The following SYCP2 variants were observed in gnomAD, a reference collection of about 807,000 sequenced individuals.
SYCP2 encodes synaptonemal complex protein 2.
In SYCP2, 55 loss-of-function variants were observed where a neutral mutation model predicts 211.3. That is an observed-to-expected ratio of 0.26 (90% CI 0.21 to 0.33). SYCP2 has a LOEUF of 0.33. Ranked by LOEUF, SYCP2 falls within the 10% of genes least tolerant of loss-of-function variation. The probability of loss-of-function intolerance (pLI) is 1.00; values close to 1 mark genes in which losing one functional copy is unlikely to be tolerated. For missense variants in SYCP2, 1,731 were observed against 1,752.0 expected (o/e 0.99, Z 0.21); for synonymous variants, 570 against 555.2 (o/e 1.03, Z -0.37).
In SYCP2 at chr20:59,912,202, G is replaced by C. The variant is rs1191904287; in HGVS notation, c.876+171C>G. ...AGTTATTCTTGGCAATGAATATGCT[G>C]TTCCATAAAACTTCTCCTGGTTTCA... On this transcript the variant is annotated intron_variant, in intron 13 of 44. Coordinates refer to ENST00000357552, the MANE Select transcript of SYCP2 (RefSeq NM_014258.4). The C allele has an allele frequency of 6.5e-6, 3 of 464,098 alleles. No individual in the cohort carries two copies. The East Asian group carries it at 1.3e-4, about 20-fold the overall frequency. 28.7% of individuals were successfully genotyped at this position (464,098 alleles called of 1,614,324 possible). A position where few individuals can be genotyped will look rare whatever the true frequency, so the allele number is the denominator to read the frequency against.
Position 59,920,480 on chromosome 20 carries a change from T to G in SYCP2, c.176A>C (p.Asn59Thr). 4 of 1,598,254 alleles carry G rather than the reference T, an allele frequency of 2.5e-6. No homozygotes were observed. The highest frequency in any genetic ancestry group is 3.4e-6 in the Non-Finnish European group (4 of 1,169,396). ...TGAAACATTGTGGATATCCTCTTTA[T>G]TAAGTTCCTGAAATAAAAGGTATAC... ...KVDNLICREL[N>T]KEDIHNVSAI... The change falls in exon 5 of 45, where the codon AAT becomes ACT. Residue 59 changes from asparagine to threonine, a missense_variant. Physicochemically the swap from Asn to Thr is moderately conservative, Grantham distance 65. Around this residue, in one of 3 missense-constraint regions of SYCP2, gnomAD observed 335 missense variants for 378.8 expected, o/e 0.88. Coordinates refer to ENST00000357552, the MANE Select transcript of SYCP2 (RefSeq NM_014258.4).
At position 59,868,846 on chromosome 20, in the gene SYCP2, G is replaced by C. The variant is rs2145599687; in HGVS notation, c.3821C>G (p.Thr1274Ser). 2 of 1,608,004 alleles carry C rather than the reference G, an allele frequency of 1.2e-6. No individual in the cohort carries two copies. Among genetic ancestry groups the C allele is most frequent in the Non-Finnish European group, 1.7e-6 (2 of 1,176,796 alleles). The change falls in exon 37 of 45, where the codon ACT (threonine) becomes AGT (serine). Residue 1274 changes from threonine (T) to serine (S), a missense_variant. Transcript: ENST00000357552. Reference sequence around the variant, plus strand: ...CTATGACTACAAACCTGATACATGAGTAGCATCACAGGGCATGTCAAACCA... The same window carrying C: ...CTATGACTACAAACCTGATACATGACTAGCATCACAGGGCATGTCAAACCA... ...KTWFDMPCDA[T>S]HVSGPTQHLS...
At position 59,884,122 on chromosome 20, in the gene SYCP2, A is replaced by G. The variant is rs1428210292; in HGVS notation, c.2529+1806T>C. 3.9e-5 allele frequency among the ~76,000 whole-genome samples: 6 copies of G among 152,136 alleles called. No homozygotes were observed. In the East Asian group the frequency reaches 1.2e-3, roughly 29 times the overall value. ...TGACATTGTTGTACGTAAATAAATG[A>G]CCTCCTTACTGGAATTCTATAAGCT... is the stretch of plus-strand genomic sequence containing the variant. On this transcript the variant is annotated intron_variant, in intron 26 of 44. Transcript: ENST00000357552.
intron 2 of SYCP2, among the ~76,000 whole-genome samples, chr20:59,931,011 C>T (rs1052807015): frequency 1.3e-5 from 2 of 152,098 alleles, no homozygotes; most frequent in African/African-American, 4.8e-5. Flanking sequence ...TATATAGTAA[C>T]TTATGAATTA....
chr20:59,882,058 TATG>T, intron 27 of SYCP2, 34 bp downstream of exon 27: 1 of 1,607,848 alleles, frequency 6.2e-7, no homozygotes, highest in Non-Finnish European at 8.5e-7. Context: ...TCTCTTCAAA[TATG>T]AAGAAAATGA....
At chr20:59,916,849 G>T (rs2060452548) in intron 7 of SYCP2, among the ~76,000 whole-genome samples, 1 of 152,072 alleles carries the variant, frequency 6.6e-6, no homozygotes, top group Non-Finnish European at 1.5e-5. Context: ...AGCCCAGGAG[G>T]TCAAAGCTGC....
intron 33 of SYCP2, among the ~76,000 whole-genome samples, chr20:59,877,090 A>G (rs1025982026): frequency 1.3e-5 from 2 of 152,136 alleles, no homozygotes; most frequent in South Asian, 4.1e-4. Context: ...TCTCCATGCT[A>G]TACTTTATTA....
At chr20:59,890,760 G>C (rs1555877476) in intron 24 of SYCP2, among the ~76,000 whole-genome samples, 1 of 145,844 alleles carries the variant, frequency 6.9e-6, no homozygotes, top group Non-Finnish European at 1.5e-5. Context: ...TGTGCTCCCA[G>C]AAAAAAAAAA....
chr20:59,880,527 A>C (rs2059656452), intron 30 of SYCP2, 56 bp from the exon 31 acceptor site: 1 of 1,074,656 alleles, frequency 9.3e-7, no homozygotes, highest in African/African-American at 1.6e-5. Flanking sequence ...TATGTCATGC[A>C]AGGTAAGTTA....
chr20:59,920,049 T>G (rs2060512485), intron 5 of SYCP2, among the ~76,000 whole-genome samples: 1 of 151,600 alleles, frequency 6.6e-6, no homozygotes, highest in Non-Finnish European at 1.5e-5. Flanking sequence ...ATACCCTACA[T>G]GCTAGCATGG....
intron 15 of SYCP2, among the ~76,000 whole-genome samples, chr20:59,902,104 G>C (rs2060126178): frequency 6.6e-6 from 1 of 151,826 alleles, no homozygotes; most frequent in Non-Finnish European, 1.5e-5. Flanking sequence ...AATATTCCTT[G>C]AACACATCTG....
At chr20:59,933,014 T>C (rs1178661403) in intron 1 of SYCP2, among the ~76,000 whole-genome samples, 2 of 151,650 alleles carry the variant, frequency 1.3e-5, no homozygotes, top group Admixed American at 1.3e-4. Flanking sequence ...TTTCCCAGGG[T>C]CACCCCCGAA....
Position 59,873,870 on chromosome 20 carries a change from G to C in SYCP2, c.3541C>G (p.Arg1181Gly). 1 of 1,609,644 alleles carries C rather than the reference G, an allele frequency of 6.2e-7. No homozygotes were observed. Among genetic ancestry groups the C allele is most frequent in the Non-Finnish European group, 8.5e-7 (1 of 1,178,470 alleles). ...TACATTCTCACCAAAAACAGTGGTCGTGGAATTGGTGAACAACTTTCACTT... is the reference window on the plus strand; with the variant it reads ...TACATTCTCACCAAAAACAGTGGTCCTGGAATTGGTGAACAACTTTCACTT... ...CASESCSPIP[R>G]PLFLPRHTPT... Residue 1181 changes from arginine to glycine, a missense_variant, in exon 35 of 45, where the codon CGA becomes GGA. Physicochemically the swap from Arg to Gly is moderately radical, Grantham distance 125. Around this residue, in one of 3 missense-constraint regions of SYCP2, gnomAD observed 1,387 missense variants for 1,351.3 expected, o/e 1.03. Coordinates refer to ENST00000357552, the MANE Select transcript of SYCP2 (RefSeq NM_014258.4).
chr20:59,877,289 TAAG>T (rs2059580249), intron 33 of SYCP2, 93 bp downstream of exon 33: 2 of 880,098 alleles, frequency 2.3e-6, no homozygotes, highest in South Asian at 3.5e-5. Context: ...AGTTAACTCT[TAAG>T]AAGTAACAGG....
intron 2 of SYCP2, among the ~76,000 whole-genome samples, chr20:59,927,773 T>A (rs893601893): frequency 3.9e-5 from 6 of 152,168 alleles, no homozygotes; most frequent in African/African-American, 1.4e-4. Context: ...AATATTTGAT[T>A]GGTAAATTTG....
intron 19 of SYCP2, among the ~76,000 whole-genome samples, chr20:59,896,072 GA>G (rs370778805): frequency 0.02 from 3,038 of 150,656 alleles, 42 homozygotes; most frequent in Middle Eastern, 0.041. Context: ...GCCACTTATA[GA>G]AAAAAAAACT....
At chr20:59,908,650 A>C (rs1302319472) in intron 14 of SYCP2, among the ~76,000 whole-genome samples, 1 of 152,194 alleles carries the variant, frequency 6.6e-6, no homozygotes, top group African/African-American at 2.4e-5. Context: ...ACATAATGGC[A>C]ATTTTCAAAC....
At chr20:59,865,484 A>G (rs368114955) in intron 43 of SYCP2, 40 bp from the exon 44 acceptor site, 1 of 1,592,316 alleles carries the variant, frequency 6.3e-7, no homozygotes, top group Non-Finnish European at 8.6e-7. Context: ...GAAATTTACC[A>G]TAAAGTTTTC....
rs113107146 is a variant in SYCP2 at position 59,892,046 on chromosome 20, C to G, written c.2308G>C (p.Ala770Pro). ...ASKNVQSHRK[A>P]EKELTSELNS... is the part of the protein sequence containing the mutation. ...AGCTCAGAAGTCAATTCTTTCTCTG[C>G]TTTTCTATGACTTTGCACATTTTTG... Residue 770 changes from alanine to proline, a missense_variant, in exon 24 of 45, where the codon GCA becomes CCA. By Grantham distance (27) the Ala-to-Pro change is conservative. Coordinates refer to ENST00000357552, the MANE Select transcript of SYCP2 (RefSeq NM_014258.4). 2 of 1,607,906 alleles carry G rather than the reference C, an allele frequency of 1.2e-6. No individual in the cohort carries two copies. Among genetic ancestry groups the G allele is most frequent in the African/African-American group, 2.7e-5 (2 of 74,614 alleles).
Sources: allele counts gnomAD v4.1 joint callset (sites outside exome capture counted in the v4.1 genomes callset), GRCh38; gene constraint gnomAD v4.1.1; regional missense constraint gnomAD v4.1.1; transcripts MANE v1.5; gene names NCBI Gene and HGNC (gene_info 2026-07-23, HGNC 2026-07-21).